The following CLCN7 variants were observed in gnomAD, a reference collection of about 807,000 sequenced individuals.
The protein encoded by CLCN7 is Cl-/H+ antiporter 7.
CLCN7 carries 60 observed loss-of-function variants against 102.1 expected under a neutral mutation model. The observed-to-expected ratio is 0.59, with a 90% CI of 0.48 to 0.73. CLCN7 has a LOEUF of 0.73. Among genes scored for constraint, CLCN7 ranks in the 30% least tolerant of loss-of-function variants. The pLI is 0.00. For synonymous variants in CLCN7, 560 were observed against 490.5 expected, an observed-to-expected ratio of 1.14 and a Z score of -1.87; for missense variants, 962 against 1,125.7, an observed-to-expected ratio of 0.85 and a Z score of 2.08.
chr16:1,447,382 C>T lies in CLCN7; in HGVS notation c.2250+10G>A. 1 of 1,546,230 alleles carries T rather than the reference C, an allele frequency of 6.5e-7. No individual in the cohort carries two copies. The highest frequency in any genetic ancestry group is 1.4e-5 in the African/African-American group (1 of 73,116). ...CAGGCCCCACGCCCATGCCCATGCC[C>T]TGCACATGCCTGGGGCACCGTGTAG... is the stretch of plus-strand genomic sequence containing the variant. On this transcript the variant is annotated intron_variant, in intron 23 of 24. Coordinates refer to ENST00000382745, the MANE Select transcript of CLCN7 (RefSeq NM_001287.6).
intron 15 of CLCN7, chr16:1,452,311 G>C (rs760993938): frequency 4.1e-6 from 1 of 243,624 alleles, no homozygotes; most frequent in Admixed American, 5.1e-5. Flanking sequence ...GCTACGTCGC[G>C]TGACCTCACG....
At chr16:1,452,460 A>C in intron 15 of CLCN7, 1 of 464,844 alleles carries the variant, frequency 2.2e-6, no homozygotes, top group Non-Finnish European at 4.0e-6. Context: ...GTCCACATCT[A>C]TGGTGCCCCC....
intron 24 of CLCN7, 53 bp downstream of exon 24, chr16:1,446,953 A>T: frequency 6.8e-7 from 1 of 1,469,484 alleles, no homozygotes; most frequent in Non-Finnish European, 9.3e-7. Context: ...CACGGGCAGG[A>T]GGCAGAGGGG....
intron 1 of CLCN7, chr16:1,471,612 G>C (rs532966407): frequency 6.6e-6 from 1 of 152,200 alleles, no homozygotes; most frequent in Non-Finnish European, 1.5e-5. Context: ...AACACGACCG[G>C]GCACGACTCA....
intron 12 of CLCN7, 94 bp from the exon 13 acceptor site, chr16:1,454,559 G>A: frequency 8.1e-7 from 1 of 1,230,604 alleles, no homozygotes; most frequent in South Asian, 1.2e-5. Flanking sequence ...TAAGAGAGCT[G>A]TCCCCACAGA....
At position 1,457,192 on chromosome 16, in the gene CLCN7, G is replaced by C. The variant is rs545725471; in HGVS notation, c.822+62C>G. Reference sequence around the variant, plus strand: ...GGTGCTGAGGGAAGCCCATCTCCCTGAGTGGTGCCCGTGCCCGTGCCCATG... The same window carrying C: ...GGTGCTGAGGGAAGCCCATCTCCCTCAGTGGTGCCCGTGCCCGTGCCCATG... On this transcript the variant is annotated intron_variant, in intron 9 of 24. Transcript: ENST00000382745. This position sits in a 1 kb window ranked among gnomAD's most constrained non-coding sequence, Gnocchi z 5.4. 2.8e-6 allele frequency: 4 copies of C among 1,447,830 alleles called. No homozygotes were observed. The highest frequency in any genetic ancestry group is 3.9e-6 in the Non-Finnish European group (4 of 1,029,152). The allele number at this position is 1,447,830 out of a possible 1,614,324, so 89.7% of individuals were successfully genotyped here.
chr16:1,447,402 G>T lies in CLCN7; in HGVS notation c.2240C>A (p.Thr747Lys). The change falls in exon 23 of 25, where the codon ACG becomes AAG. Residue 747 changes from threonine to lysine, a missense_variant. By Grantham distance (78) the Thr-to-Lys change is moderately conservative (BLOSUM62 -1). Around this residue, in one of 2 missense-constraint regions of CLCN7, gnomAD observed 799 missense variants for 988.0 expected, o/e 0.81. Coordinates refer to ENST00000382745, the MANE Select transcript of CLCN7 (RefSeq NM_001287.6). ...LSEFMNPSPYTVPQEASLPRV... is the reference protein window; with the variant it reads ...LSEFMNPSPYKVPQEASLPRV... ...ATGCCCTGCACATGCCTGGGGCACC[G>T]TGTAGGGGGAGGGGTTCATGAACTC... is the stretch of plus-strand genomic sequence containing the variant. 1.3e-6 allele frequency: 2 copies of T among 1,549,546 alleles called. No individual in the cohort carries two copies. The highest frequency in any genetic ancestry group is 1.7e-6 in the Non-Finnish European group (2 of 1,146,686).
intron 2 of CLCN7, among the ~76,000 whole-genome samples, chr16:1,463,400 G>A (rs1463831011): frequency 6.6e-6 from 1 of 152,166 alleles, no homozygotes; most frequent in Non-Finnish European, 1.5e-5. Context: ...GGAAGAAGCT[G>A]AAACGGGAGG....
chr16:1,448,262 C>T (rs938102498), intron 21 of CLCN7, 93 bp downstream of exon 21: 3 of 1,542,366 alleles, frequency 1.9e-6, no homozygotes, highest in Non-Finnish European at 1.8e-6. Flanking sequence ...AAACGTGCAG[C>T]TTCCCCATCC....
chr16:1,448,366 C>T lies in CLCN7; in HGVS notation c.2002G>A (p.Asp668Asn), dbSNP rs142186742. 142 of 1,612,592 alleles carry T rather than the reference C, an allele frequency of 8.8e-5. No individual in the cohort carries two copies. The highest frequency in any genetic ancestry group is 7.7e-5 in the Non-Finnish European group (91 of 1,179,952). ...HNGFPVVEHA[D>N]DTQPARLQGL... The stretch of plus-strand genomic sequence containing the variant: ...GGGGTGCCCGGTACCTGGGTGTCAT[C>T]GGCATGCTCCACCACGGGGAAGCCG... The change falls in exon 21 of 25, where the codon GAT becomes AAT. Residue 668 changes from aspartate (D) to asparagine (N), a missense_variant. Transcript: ENST00000382745.
chr16:1,446,639 G>A lies in CLCN7; in HGVS notation c.2410C>T (p.Gln804Ter), dbSNP rs1164752901. ...KRGLEELSLA[Q>*]T ...ATGGGCAGGGCTGGGCCTCACGTCT[G>A]GGCCAGCGAGAGCTCCTCCAAGCCT... Residue 804 changes from glutamine to a stop codon, truncating the protein, a stop_gained, in exon 25 of 25, where the codon CAG becomes TAG. Transcript: ENST00000382745. LOFTEE classifies it high-confidence loss of function. 2 of 1,566,698 alleles carry A rather than the reference G, an allele frequency of 1.3e-6. No individual in the cohort carries two copies. The highest frequency in any genetic ancestry group is 1.7e-6 in the Non-Finnish European group (2 of 1,155,842).
At chr16:1,454,657 C>T (rs889368980) in intron 12 of CLCN7, among the ~76,000 whole-genome samples, 192 bp from the exon 13 acceptor site, 5 of 152,208 alleles carry the variant, frequency 3.3e-5, no homozygotes, top group Non-Finnish European at 7.4e-5. Context: ...CCCTGCCTGG[C>T]GGGGTGGCCA....
intron 15 of CLCN7, 158 bp downstream of exon 15, chr16:1,452,594 ATCT>A: frequency 1.4e-6 from 1 of 738,346 alleles, no homozygotes; most frequent in Non-Finnish European, 2.2e-6. Flanking sequence ...CTCCTCTGAG[ATCT>A]GGGTGGACAG....
rs1449889411 is a variant in CLCN7, at chr16:1,459,948, G to GCACA, written c.594+466_594+469dup. 2.4e-4 allele frequency among the ~76,000 whole-genome samples: 33 copies of GCACA among 135,988 alleles called. 1 individual carries two copies. The highest frequency in any genetic ancestry group is 9.5e-4 in the African/African-American group (33 of 34,710). 89.2% of individuals were successfully genotyped at this position (135,988 alleles called of 152,430 possible). A position where few individuals can be genotyped will look rare whatever the true frequency, so the allele number is the denominator to read the frequency against. On this transcript the variant is annotated intron_variant, in intron 6 of 24. Transcript: ENST00000382745. ...CGGGGCCTCAGGGAAGGGGAGAGCA[G>GCACA]CACACACTTCGGGGCCCCAGGGAAG...
At chr16:1,461,098 C>T (rs2038929101) in intron 4 of CLCN7, 150 bp from the exon 5 acceptor site, 2 of 1,138,454 alleles carry the variant, frequency 1.8e-6, no homozygotes, top group East Asian at 2.6e-5. Context: ...CAGTTTCTGG[C>T]CAACATCTGA....
chr16:1,474,369 A>G (rs1020641758), intron 1 of CLCN7: 7 of 356,266 alleles, frequency 2.0e-5, no homozygotes, highest in Non-Finnish European at 3.4e-5. Context: ...TCTCACTGAA[A>G]GACAGTGACC....
chr16:1,456,595 T>G (rs923035119), intron 9 of CLCN7, among the ~76,000 whole-genome samples: 1 of 152,078 alleles, frequency 6.6e-6, no homozygotes, highest in Non-Finnish European at 1.5e-5. Context: ...TCCCAGCACT[T>G]TGGGAGGCCG....
intron 20 of CLCN7, 58 bp from the exon 21 acceptor site, chr16:1,448,542 C>T (rs1415864420): frequency 1.2e-6 from 2 of 1,603,014 alleles, no homozygotes; most frequent in East Asian, 2.2e-5. Context: ...CCACAGTTAC[C>T]TCTGCGGGCT....
In CLCN7 at chr16:1,448,373, C is replaced by T. The variant is rs1270436658; in HGVS notation, c.1995G>A (p.Glu665=). ...CCGGTACCTGGGTGTCATCGGCATG[C>T]TCCACCACGGGGAAGCCGTTGTGAT... ...ASNHNGFPVV[E]HADDTQPARL... The change falls in exon 21 of 25, where the codon GAG becomes GAA. Residue 665 remains glutamate, a synonymous_variant. Coordinates refer to ENST00000382745, the MANE Select transcript of CLCN7 (RefSeq NM_001287.6). 2 of 1,612,796 alleles carry T rather than the reference C, an allele frequency of 1.2e-6. No homozygotes were observed. Among genetic ancestry groups the T allele is most frequent in the South Asian group, 2.2e-5 (2 of 91,084 alleles).
Sources: allele counts gnomAD v4.1 joint callset (sites outside exome capture counted in the v4.1 genomes callset), GRCh38; gene constraint gnomAD v4.1.1; regional missense constraint gnomAD v4.1.1; non-coding constraint Gnocchi (gnomAD v3.1); transcripts MANE v1.5; gene names NCBI Gene and HGNC (gene_info 2026-07-23, HGNC 2026-07-21).